The following MPDU1 variants were observed in gnomAD, a reference collection of about 807,000 sequenced individuals.
MPDU1 encodes the protein mannose-P-dolichol utilization defect 1.
MPDU1 carries 18 observed loss-of-function variants against 27.6 expected under a neutral mutation model. The ratio of observed to expected loss-of-function variants is 0.65; its 90% confidence interval spans 0.45 to 0.97. MPDU1 has a LOEUF of 0.97. Ranked by LOEUF, MPDU1 falls within the 50% of genes least tolerant of loss-of-function variation. The probability of loss-of-function intolerance (pLI) is 0.00; values close to 1 mark genes in which losing one functional copy is unlikely to be tolerated. For synonymous variants in MPDU1, 142 were observed against 131.1 expected, an observed-to-expected ratio of 1.08 and a Z score of -0.57; for missense variants, 279 against 297.4, an observed-to-expected ratio of 0.94 and a Z score of 0.46.
At position 7,587,742 on chromosome 17, in the gene MPDU1, G is replaced by C; in HGVS notation, c.*191G>C. The C allele has an allele frequency of 1.1e-6, 1 of 899,674 alleles. No homozygotes were observed. The highest frequency in any genetic ancestry group is 1.7e-6 in the Non-Finnish European group (1 of 572,364). 55.7% of individuals were successfully genotyped at this position (899,674 alleles called of 1,614,324 possible). On this transcript the variant is annotated 3_prime_UTR_variant, in exon 7 of 7. Transcript: ENST00000250124. Reference sequence around the variant, plus strand: ...AGATCCTTAGAAAAGGAGAGGATGGGGGTAGAGTCTCCCAAGCCAAAATTT... The same window carrying C: ...AGATCCTTAGAAAAGGAGAGGATGGCGGTAGAGTCTCCCAAGCCAAAATTT...
At position 7,588,188 on chromosome 17, in the gene MPDU1, C is replaced by T; in HGVS notation, c.*637C>T. ...AGACTGGAGACTCAGTTGAATAATACAAAACTGTTTAATACTACCAAAAAT... is the reference window on the plus strand; with the variant it reads ...AGACTGGAGACTCAGTTGAATAATATAAAACTGTTTAATACTACCAAAAAT... On this transcript the variant is annotated 3_prime_UTR_variant, in exon 7 of 7. Coordinates refer to ENST00000250124, the MANE Select transcript of MPDU1 (RefSeq NM_004870.4). 1 of 735,774 alleles carries T rather than the reference C, an allele frequency of 1.4e-6. No individual in the cohort carries two copies. 45.6% of individuals were successfully genotyped at this position (735,774 alleles called of 1,614,324 possible).
At chr17:7,584,052 C>T in intron 1 of MPDU1, 87 bp downstream of exon 1, 2 of 1,311,116 alleles carry the variant, frequency 1.5e-6, no homozygotes, top group Non-Finnish European at 2.2e-6. Context: ...TAAGTGACGG[C>T]AGTGACTGCC....
At chr17:7,586,527 G>A (rs2071585447) in intron 3 of MPDU1, 165 bp from the exon 4 acceptor site, 1 of 710,744 alleles carries the variant, frequency 1.4e-6, no homozygotes, top group Non-Finnish European at 2.6e-6. Context: ...TCTTGAGAAG[G>A]GGTGAGCATC....
intron 3 of MPDU1, 35 bp from the exon 4 acceptor site, chr17:7,586,656 GC>G: frequency 1.9e-6 from 3 of 1,593,152 alleles, no homozygotes; most frequent in Non-Finnish European, 2.6e-6. Context: ...CTCTTTCTAG[GC>G]CCGCCTTTCT....
At position 7,585,815 on chromosome 17, in the gene MPDU1, C is replaced by A; in HGVS notation, c.169+18C>A. The stretch of plus-strand genomic sequence containing the variant: ...ACTTCTAGGTATGTCTCTTATCTTT[C>A]TTTCCAGCTGTTGGGTTGGGGTGGA... On this transcript the variant is annotated intron_variant, in intron 2 of 6. Transcript: ENST00000250124. The A allele has an allele frequency of 6.2e-7, 1 of 1,614,004 alleles. No individual in the cohort carries two copies. The highest frequency in any genetic ancestry group is 8.5e-7 in the Non-Finnish European group (1 of 1,179,872).
In MPDU1 at chr17:7,587,659, C is replaced by A; in HGVS notation, c.*108C>A. The stretch of plus-strand genomic sequence containing the variant: ...CTTACTCATCCTCCATTCCTCTGCA[C>A]TTGCAGACTTTCTGAGCCAGGGTTT... On this transcript the variant is annotated 3_prime_UTR_variant, in exon 7 of 7. Transcript: ENST00000250124. 6.8e-7 allele frequency: 1 copy of A among 1,466,646 alleles called. No homozygotes were observed. Among genetic ancestry groups the A allele is most frequent in the Non-Finnish European group, 9.5e-7 (1 of 1,052,246 alleles). The allele number at this position is 1,466,646 out of a possible 1,614,324, so 90.9% of individuals were successfully genotyped here. A position where few individuals can be genotyped will look rare whatever the true frequency, so the allele number is the denominator to read the frequency against.
At position 7,583,876 on chromosome 17, in the gene MPDU1, C is replaced by A. The variant is rs139135576; in HGVS notation, c.14C>A (p.Ala5Glu). MAAE[A>E]DGPLKRLLVP... ...TAGCTTTGCAATATGGCGGCCGAGG[C>A]GGACGGACCGCTTAAACGGCTGCTC... Residue 5 changes from alanine to glutamate, a missense_variant, in exon 1 of 7, where the codon GCG (alanine) becomes GAG (glutamate). Coordinates refer to ENST00000250124, the MANE Select transcript of MPDU1 (RefSeq NM_004870.4). The A allele has an allele frequency of 6.2e-7, 1 of 1,614,044 alleles. No homozygotes were observed. Among genetic ancestry groups the A allele is most frequent in the Non-Finnish European group, 8.5e-7 (1 of 1,180,036 alleles).
At position 7,587,888 on chromosome 17, in the gene MPDU1, C is replaced by G. The variant is rs1188543055; in HGVS notation, c.*337C>G. The G allele has an allele frequency of 2.0e-6, 1 of 496,298 alleles. No individual in the cohort carries two copies. The highest frequency in any genetic ancestry group is 1.9e-5 in the African/African-American group (1 of 51,682). The allele number at this position is 496,298 out of a possible 1,614,324, so 30.7% of individuals were successfully genotyped here. ...CACTATCCTGGGCAAATGTTTTACC[C>G]TGTCCTCCAGCCTCCCTGCTTCCCT... On this transcript the variant is annotated 3_prime_UTR_variant, in exon 7 of 7. Transcript: ENST00000250124.
rs1009859830 is a variant in MPDU1, at chr17:7,585,047, A to G, written c.104-685A>G. Among the ~76,000 whole-genome samples the G allele has an allele frequency of 8.5e-5, 13 of 152,254 alleles. No homozygotes were observed. The South Asian group carries it at 2.7e-3, about 32-fold the overall frequency. ...ATGAAGACTTGTCTTTGGAGAGAGA[A>G]GACATGTGAAATGGGGCACCCATTG... On this transcript the variant is annotated intron_variant, in intron 1 of 6. Transcript: ENST00000250124.
In MPDU1 at chr17:7,587,177, C is replaced by T; in HGVS notation, c.524C>T (p.Thr175Ile). 6.2e-7 allele frequency: 1 copy of T among 1,614,114 alleles called. No individual in the cohort carries two copies. Among genetic ancestry groups the T allele is most frequent in the Non-Finnish European group, 8.5e-7 (1 of 1,180,026 alleles). Residue 175 changes from threonine (T) to isoleucine (I), a missense_variant, in exon 6 of 7, where the codon ACC becomes ATC. By Grantham distance (89) the Thr-to-Ile change is moderately conservative (BLOSUM62 -1). Coordinates refer to ENST00000250124, the MANE Select transcript of MPDU1 (RefSeq NM_004870.4). ...CTCCCCTAGCTTCTCCAGGCAGCCA[C>T]CAACTACCACAACGGGCACACAGGC... is the stretch of plus-strand genomic sequence containing the variant. ...VVVGRLLQAA[T>I]NYHNGHTGQL...
intron 1 of MPDU1, among the ~76,000 whole-genome samples, chr17:7,585,327 A>C (rs2071562717): frequency 6.6e-6 from 1 of 152,056 alleles, no homozygotes; most frequent in South Asian, 2.1e-4. Context: ...ATCTGAGGTC[A>C]GGAGTTCGAG....
At chr17:7,583,812 A>C, upstream of MPDU1, 1 of 1,590,646 alleles carries the variant, frequency 6.3e-7, no homozygotes, top group Non-Finnish European at 8.6e-7. Flanking sequence ...GCGCACGCGC[A>C]ACGAAAGTCA....
chr17:7,586,977 T>C lies in MPDU1; in HGVS notation c.467T>C (p.Leu156Pro). 1 of 1,598,742 alleles carries C rather than the reference T, an allele frequency of 6.3e-7. No individual in the cohort carries two copies. Among genetic ancestry groups the C allele is most frequent in the Non-Finnish European group, 8.5e-7 (1 of 1,172,718 alleles). The change falls in exon 5 of 7, where the codon CTG becomes CCG. Residue 156 changes from leucine to proline, a missense_variant. Transcript: ENST00000250124. ...CTGACGCCCTTGACTGTAGTCACCC[T>C]GCTCCAGGCCTCCAATGTGCCTGCT... ...SPLTPLTVVTLLQASNVPAVV... is the reference protein window; with the variant it reads ...SPLTPLTVVTPLQASNVPAVV...
intron 5 of MPDU1, 30 bp downstream of exon 5, chr17:7,587,047 TGTG>T (rs1276656396): frequency 1.0e-6 from 1 of 986,086 alleles, no homozygotes; most frequent in Non-Finnish European, 1.4e-6. Flanking sequence ...GACAAGATGT[TGTG>T]GGGGCAGGGT....
intron 3 of MPDU1, 59 bp downstream of exon 3, chr17:7,586,137 G>A: frequency 1.2e-6 from 2 of 1,603,676 alleles, no homozygotes; most frequent in Non-Finnish European, 1.7e-6. Context: ...GGGGATTAAG[G>A]TGAAGGAGGT....
intron 3 of MPDU1, chr17:7,586,439 TA>T (rs59882896): frequency 0.21 from 90,662 of 437,628 alleles, 3 homozygotes; most frequent in South Asian, 0.26. Flanking sequence ...AACTCAGTCT[TA>T]AAAAAAAAAA....
In MPDU1 at chr17:7,587,185, C is replaced by T; in HGVS notation, c.532C>T (p.His178Tyr). 1.2e-6 allele frequency: 2 copies of T among 1,614,102 alleles called. No homozygotes were observed. Among genetic ancestry groups the T allele is most frequent in the Non-Finnish European group, 1.7e-6 (2 of 1,180,024 alleles). ...GCTTCTCCAGGCAGCCACCAACTACCACAACGGGCACACAGGCCAGCTCTC... is the reference window on the plus strand; with the variant it reads ...GCTTCTCCAGGCAGCCACCAACTACTACAACGGGCACACAGGCCAGCTCTC... ...GRLLQAATNY[H>Y]NGHTGQLSAI... The change falls in exon 6 of 7, where the codon CAC becomes TAC. Residue 178 changes from histidine (H) to tyrosine (Y), a missense_variant. By Grantham distance (83) the His-to-Tyr change is moderately conservative. Transcript: ENST00000250124.
chr17:7,587,592 A>T lies in MPDU1; in HGVS notation c.*41A>T, dbSNP rs1278528496. On this transcript the variant is annotated 3_prime_UTR_variant, in exon 7 of 7. Transcript: ENST00000250124. ...TCATTCCGTTTCCACTCATTCACCC[A>T]ACCTCAGGGTTCTCCCCATCTGAGC... 6.2e-7 allele frequency: 1 copy of T among 1,612,618 alleles called. No individual in the cohort carries two copies. Among genetic ancestry groups the T allele is most frequent in the South Asian group, 1.1e-5 (1 of 90,874 alleles).
chr17:7,585,607 C>G (rs1214255039), intron 1 of MPDU1, 125 bp from the exon 2 acceptor site: 4 of 876,200 alleles, frequency 4.6e-6, no homozygotes, highest in Non-Finnish European at 7.6e-6. Context: ...TCCGCCTCTC[C>G]TCCCCCCAAG....
Sources: gnomAD v4.1 joint callset for allele counts (sites outside exome capture counted in the v4.1 genomes callset) on GRCh38, gnomAD v4.1.1 for gene constraint, MANE v1.5 for transcripts, NCBI Gene and HGNC (gene_info 2026-07-23, HGNC 2026-07-21) for gene names.